SLC25A48: variants seen among roughly 807,000 people sequenced by gnomAD.
The protein encoded by SLC25A48 is solute carrier family 25 member 48.
A neutral mutation model predicts 32.2 loss-of-function variants in SLC25A48; 29 were observed. The ratio of observed to expected loss-of-function variants is 0.90; its 90% CI spans 0.67 to 1.23. The LOEUF (loss-of-function observed/expected upper bound fraction) is 1.23, where lower values mean the gene tolerates loss of function less well. Ranked by LOEUF, SLC25A48 falls within the 50% of genes most tolerant of loss-of-function variation. The pLI is 0.00. For missense variants in SLC25A48, 399 were observed against 422.7 expected (o/e 0.94, Z 0.49); for synonymous variants, 164 against 172.3 (o/e 0.95, Z 0.38).
intron 4 of SLC25A48, among the ~76,000 whole-genome samples, chr5:135,863,079 A>C (rs1470528982): frequency 1.3e-5 from 2 of 152,154 alleles, no homozygotes; most frequent in African/African-American, 2.4e-5. Context: ...GAACAGAGAC[A>C]GGTGGCAGAT....
At chr5:135,872,939 G>A (rs1254312812) in intron 5 of SLC25A48, among the ~76,000 whole-genome samples, 2 of 152,208 alleles carry the variant, frequency 1.3e-5, no homozygotes, top group East Asian at 3.9e-4. Flanking sequence ...CCTAGTAAGA[G>A]CTCAGTCAGT....
chr5:135,673,577 A>G (rs956447298), intron 3 of SLC25A48, among the ~76,000 whole-genome samples: 5 of 152,050 alleles, frequency 3.3e-5, no homozygotes, highest in East Asian at 1.9e-4. Context: ...TTGTCTTCCT[A>G]TTACTGAGTT....
intron 1 of SLC25A48, among the ~76,000 whole-genome samples, chr5:135,588,104 G>A (rs371049865): frequency 6.6e-6 from 1 of 152,260 alleles, no homozygotes; most frequent in Non-Finnish European, 1.5e-5. Flanking sequence ...ACGGTCCAGT[G>A]TCCAAGGAAG....
At chr5:135,824,098 T>C (rs1757961919) in intron 4 of SLC25A48, among the ~76,000 whole-genome samples, 1 of 151,922 alleles carries the variant, frequency 6.6e-6, no homozygotes, top group African/African-American at 2.4e-5. Context: ...TGATCTGGAG[T>C]CACCCTGCAG....
intron 3 of SLC25A48, among the ~76,000 whole-genome samples, chr5:135,794,566 A>G (rs1757117732): frequency 6.6e-6 from 1 of 151,764 alleles, no homozygotes; most frequent in Non-Finnish European, 1.5e-5. Flanking sequence ...TACTGTCAAT[A>G]TTGCAGAAGG....
In SLC25A48 at chr5:135,871,524, T is replaced by G. The variant is rs902641047; in HGVS notation, c.485T>G (p.Val162Gly). The stretch of plus-strand genomic sequence containing the variant: ...GAGCAGCCAGCATACCAGGGGCCAG[T>G]GCACTGCATTACAACCATTGTGAGG... ...PAEQPAYQGP[V>G]HCITTIVRNE... The change falls in exon 5 of 8, where the codon GTG becomes GGG. Residue 162 changes from valine (V) to glycine (G), a missense_variant. Coordinates refer to ENST00000681962, the MANE Select transcript of SLC25A48 (RefSeq NM_001349336.2). 1.9e-6 allele frequency: 3 copies of G among 1,613,268 alleles called. No individual in the cohort carries two copies. The highest frequency in any genetic ancestry group is 2.5e-6 in the Non-Finnish European group (3 of 1,179,450).
intron 6 of SLC25A48, chr5:135,874,797 G>A (rs2126814809): frequency 1.5e-6 from 1 of 648,286 alleles, no homozygotes; most frequent in Non-Finnish European, 2.8e-6. Flanking sequence ...TCCATGTCTG[G>A]TGTCCAAGGT....
At chr5:135,692,489 T>C (rs2126959246) in intron 3 of SLC25A48, among the ~76,000 whole-genome samples, 1 of 152,288 alleles carries the variant, frequency 6.6e-6, no homozygotes, top group South Asian at 2.1e-4. Flanking sequence ...AAAATCTGCA[T>C]CATGCAGGTG....
At chr5:135,607,579 C>A (rs1751968067) in intron 1 of SLC25A48, among the ~76,000 whole-genome samples, 1 of 152,258 alleles carries the variant, frequency 6.6e-6, no homozygotes, top group Middle Eastern at 3.4e-3. Flanking sequence ...GTGTAGGGTG[C>A]ATGTTCTGTT....
intron 3 of SLC25A48, among the ~76,000 whole-genome samples, chr5:135,690,473 G>A (rs1754119696): frequency 6.6e-6 from 1 of 152,118 alleles, no homozygotes; most frequent in Non-Finnish European, 1.5e-5. Flanking sequence ...TGATTATCTT[G>A]GAGTAAAACA....
intron 3 of SLC25A48, among the ~76,000 whole-genome samples, chr5:135,802,347 T>C (rs2126643734): frequency 6.6e-6 from 1 of 151,756 alleles, no homozygotes; most frequent in South Asian, 2.1e-4. Context: ...CCCTATGATA[T>C]TATTTGTAAT....
intron 3 of SLC25A48, among the ~76,000 whole-genome samples, chr5:135,761,132 C>CA (rs1170193516): frequency 6.6e-6 from 1 of 151,824 alleles, no homozygotes; most frequent in East Asian, 1.9e-4. Flanking sequence ...GAGACCCCCC[C>CA]ATCTCTAAAA....
intron 3 of SLC25A48, among the ~76,000 whole-genome samples, chr5:135,795,126 C>A (rs1305994203): frequency 6.6e-6 from 1 of 151,824 alleles, no homozygotes; most frequent in African/African-American, 2.4e-5. Context: ...TGATATTGTT[C>A]CTAACACCCT....
At chr5:135,684,653 C>T (rs929919535) in intron 3 of SLC25A48, among the ~76,000 whole-genome samples, 5 of 152,238 alleles carry the variant, frequency 3.3e-5, no homozygotes, top group Non-Finnish European at 7.3e-5. Context: ...ACACTCACAG[C>T]AGCTGGGGGA....
At chr5:135,725,253 C>G (rs10515476) in intron 3 of SLC25A48, among the ~76,000 whole-genome samples, 44,970 of 152,078 alleles carry the variant, frequency 0.3, 6,783 homozygotes, top group East Asian at 0.49. Context: ...TATCTTAGCA[C>G]GGATCATAAG....
At chr5:135,818,093 CTCTCTCTCTCTCTCT>C in intron 4 of SLC25A48, among the ~76,000 whole-genome samples, 1 of 143,602 alleles carries the variant, frequency 7.0e-6, no homozygotes, top group East Asian at 2.0e-4. Flanking sequence ...CTCTCTCTCT[CTCTCTCTCTCTCTCT>C]CTCTCTCTCT....
chr5:135,875,014 C>A, intron 6 of SLC25A48: 1 of 352,748 alleles, frequency 2.8e-6, no homozygotes. Context: ...CCATGAAGGG[C>A]GGGGCATTTG....
chr5:135,654,230 T>C (rs1049498679), intron 3 of SLC25A48, among the ~76,000 whole-genome samples: 2 of 152,206 alleles, frequency 1.3e-5, no homozygotes, highest in Admixed American at 6.5e-5. Context: ...GCATCATGTA[T>C]TGGTTGCTGG....
At chr5:135,700,953 G>A (rs912801178) in intron 3 of SLC25A48, among the ~76,000 whole-genome samples, 3 of 152,168 alleles carry the variant, frequency 2.0e-5, no homozygotes, top group Non-Finnish European at 4.4e-5. Context: ...TGGGACCTGG[G>A]GGAGCTCACT....
Sources: gnomAD v4.1 joint callset for allele counts (sites outside exome capture counted in the v4.1 genomes callset) on GRCh38, gnomAD v4.1.1 for gene constraint, MANE v1.5 for transcripts, NCBI Gene and HGNC (gene_info 2026-07-23, HGNC 2026-07-21) for gene names.